The following SGCD variants were observed in gnomAD, a reference collection of about 807,000 sequenced individuals.
SGCD encodes delta-sarcoglycan.
In SGCD, 18 loss-of-function variants were observed where a neutral mutation model predicts 36.6. That is an observed-to-expected ratio of 0.49 (90% CI 0.34 to 0.73). The LOEUF (loss-of-function observed/expected upper bound fraction) is 0.73. Ranked by LOEUF, SGCD falls within the 30% of genes least tolerant of loss-of-function variation. The pLI, the probability that SGCD is intolerant of heterozygous loss-of-function variation, is 0.01. For missense variants in SGCD, 387 were observed against 346.7 expected, an observed-to-expected ratio of 1.12 and a Z score of -0.92; for synonymous variants, 133 against 130.6, an observed-to-expected ratio of 1.02 and a Z score of -0.12.
chr5:155,738,849 G>A, the SGCD span, among the ~76,000 whole-genome samples: 1 of 147,210 alleles, frequency 6.8e-6, no homozygotes, highest in Non-Finnish European at 1.5e-5. Context: ...GAGAGAGTAT[G>A]TATATGAGAG....
chr5:156,417,806 C>G (rs1410973745), intron 3 of SGCD, among the ~76,000 whole-genome samples: 1 of 151,752 alleles, frequency 6.6e-6, no homozygotes, highest in Non-Finnish European at 1.5e-5. Context: ...GGACCCAATT[C>G]AGTTCACAGC....
chr5:156,146,182 CAG>C (rs1408817575), intron 3 of SGCD, among the ~76,000 whole-genome samples: 6 of 152,262 alleles, frequency 3.9e-5, no homozygotes, highest in African/African-American at 1.4e-4. Context: ...CATTGCACTC[CAG>C]CCTGGGCGAC....
intron 1 of SGCD, among the ~76,000 whole-genome samples, chr5:155,900,496 C>A (rs1375439767): frequency 6.6e-6 from 1 of 151,716 alleles, no homozygotes; most frequent in Non-Finnish European, 1.5e-5. Context: ...CATATGTATA[C>A]ATGTGCCATG....
the SGCD span, among the ~76,000 whole-genome samples, chr5:155,810,790 G>A: frequency 1.1e-5 from 1 of 91,898 alleles, no homozygotes; most frequent in Admixed American, 1.3e-4. Context: ...ATCCTTTAGT[G>A]TCTGCTTTTT....
chr5:156,391,951 C>T (rs2127755411), intron 3 of SGCD, among the ~76,000 whole-genome samples: 1 of 152,310 alleles, frequency 6.6e-6, no homozygotes, highest in South Asian at 2.1e-4. Context: ...TAGTTAATGT[C>T]TAGAGCTTTG....
intron 1 of SGCD, among the ~76,000 whole-genome samples, chr5:156,012,748 G>C (rs1758886430): frequency 6.6e-6 from 1 of 151,402 alleles, no homozygotes; most frequent in African/African-American, 2.4e-5. Flanking sequence ...AAGTAAATGG[G>C]ACTACAGGTA....
At chr5:156,282,160 G>A (rs1405490299) in intron 3 of SGCD, among the ~76,000 whole-genome samples, 1 of 152,144 alleles carries the variant, frequency 6.6e-6, no homozygotes, top group Non-Finnish European at 1.5e-5. Context: ...GATAAGAGTA[G>A]GCCTGAGTCA....
the SGCD span, among the ~76,000 whole-genome samples, chr5:155,755,588 T>C: frequency 6.6e-6 from 1 of 152,236 alleles, no homozygotes; most frequent in African/African-American, 2.4e-5. Flanking sequence ...TTCTTGGGAT[T>C]CTTTCTTTTA....
chr5:156,756,323 G>T (rs766881540), intron 7 of SGCD, among the ~76,000 whole-genome samples: 1 of 152,172 alleles, frequency 6.6e-6, no homozygotes, highest in Non-Finnish European at 1.5e-5. Flanking sequence ...AAAGAGAGAA[G>T]ATCACTTGAG....
At chr5:155,818,210 T>C in the SGCD span, among the ~76,000 whole-genome samples, 5 of 152,170 alleles carry the variant, frequency 3.3e-5, no homozygotes, top group Non-Finnish European at 5.9e-5. Flanking sequence ...TTTTATTCCA[T>C]ACAGAGGAGA....
intron 3 of SGCD, among the ~76,000 whole-genome samples, chr5:156,393,357 C>T (rs1050961415): frequency 3.9e-5 from 6 of 152,098 alleles, no homozygotes; most frequent in African/African-American, 1.4e-4. Context: ...TCATGAGAGC[C>T]AATTGTTAAA....
intron 1 of SGCD, among the ~76,000 whole-genome samples, chr5:155,980,260 A>G (rs1262075264): frequency 6.6e-6 from 1 of 152,100 alleles, no homozygotes; most frequent in East Asian, 1.9e-4. Flanking sequence ...TGTGACCATG[A>G]CAAGGTGATT....
intron 6 of SGCD, among the ~76,000 whole-genome samples, chr5:156,600,158 A>C (rs1210416010): frequency 6.6e-6 from 1 of 152,122 alleles, no homozygotes; most frequent in Non-Finnish European, 1.5e-5. Flanking sequence ...TTTCTTTTTG[A>C]TGACAACATT....
At chr5:155,912,490 T>G (rs1756650311) in intron 1 of SGCD, among the ~76,000 whole-genome samples, 1 of 152,150 alleles carries the variant, frequency 6.6e-6, no homozygotes, top group Non-Finnish European at 1.5e-5. Flanking sequence ...TCGAAACTAG[T>G]CTCTTCAAAC....
chr5:156,087,898 A>G (rs1246622862), intron 1 of SGCD, among the ~76,000 whole-genome samples: 1 of 152,142 alleles, frequency 6.6e-6, no homozygotes, highest in Non-Finnish European at 1.5e-5. Context: ...GTTATTCTGT[A>G]GTCTTTGTCC....
At position 156,329,542 on chromosome 5, in the gene SGCD, C is replaced by T; in HGVS notation, c.-35C>T. ...ATATTTGTTCCTTGCAGAGACATTA[C>T]TGCCGGGAGTGTTGAGTGAAGGGAC... On this transcript the variant is annotated 5_prime_UTR_variant, in exon 2 of 9. Coordinates refer to ENST00000337851, the MANE Select transcript of SGCD (RefSeq NM_000337.6). 1.2e-6 allele frequency: 2 copies of T among 1,612,140 alleles called. No homozygotes were observed. The highest frequency in any genetic ancestry group is 1.1e-5 in the South Asian group (1 of 91,000).
chr5:156,527,335 A>G (rs931417029), intron 4 of SGCD, among the ~76,000 whole-genome samples: 1 of 152,232 alleles, frequency 6.6e-6, no homozygotes, highest in Admixed American at 6.5e-5. Context: ...GCTATAGAAT[A>G]TAAGGGGAGT....
rs79980878 is a variant in SGCD, at chr5:156,222,365, C to T, written c.-44+98346C>T. On this transcript the variant is annotated intron_variant, in intron 3 of 9. Coordinates refer to the SGCD transcript ENST00000517913. ...TCACTAATTCCTACATTTTAAGATT[C>T]CATTTATAGATTCTACTTTACATTA... is the stretch of plus-strand genomic sequence containing the variant. Among the ~76,000 whole-genome samples the T allele has an allele frequency of 1.8e-3, 281 of 152,206 alleles. 6 individuals are homozygous for T. In the East Asian group the frequency reaches 0.045, roughly 24 times the overall value.
intron 4 of SGCD, among the ~76,000 whole-genome samples, chr5:156,579,461 T>C (rs572647117): frequency 1.1e-4 from 16 of 152,310 alleles, no homozygotes; most frequent in Non-Finnish European, 2.2e-4. Flanking sequence ...AAGTCCTGGA[T>C]ATCATTGTTA....
Sources: gnomAD v4.1 joint callset for allele counts (sites outside exome capture counted in the v4.1 genomes callset) on GRCh38, gnomAD v4.1.1 for gene constraint, MANE v1.5 for transcripts, NCBI Gene and HGNC (gene_info 2026-07-23, HGNC 2026-07-21) for gene names.